Variants in EED observed in about 807,000 individuals in gnomAD.
EED encodes the protein embryonic ectoderm development, also known as polycomb protein EED.
A neutral mutation model predicts 61.0 loss-of-function variants in EED; 9 were observed. The observed-to-expected ratio is 0.15, with a 90% CI of 0.09 to 0.26. EED has a LOEUF of 0.26. Among genes scored for constraint, EED ranks in the 10% least tolerant of loss-of-function variants. EED has a pLI of 1.00. For synonymous variants in EED, 187 were observed against 174.4 expected (o/e 1.07, Z -0.57); for missense variants, 315 against 542.3 (o/e 0.58, Z 4.16).
At chr11:86,275,059 C>T (rs1946198011) in intron 9 of EED, among the ~76,000 whole-genome samples, 2 of 152,062 alleles carry the variant, frequency 1.3e-5, no homozygotes, top group Admixed American at 6.6e-5. Flanking sequence ...TGTCTTCACT[C>T]ATTAGCATTT....
intron 6 of EED, chr11:86,263,969 G>T: frequency 1.9e-6 from 1 of 521,218 alleles, no homozygotes; most frequent in Non-Finnish European, 3.4e-6. Context: ...ATGCTTTTGG[G>T]GGGGCCTATT....
chr11:86,264,365 T>G, intron 7 of EED, 102 bp downstream of exon 7: 1 of 747,622 alleles, frequency 1.3e-6, no homozygotes, highest in Non-Finnish European at 2.2e-6. Context: ...ATGTAGCCTG[T>G]CAGGCAGACA....
At chr11:86,250,051 TATTACTCTTCC>T (rs1945491387) in intron 1 of EED, among the ~76,000 whole-genome samples, 1 of 152,242 alleles carries the variant, frequency 6.6e-6, no homozygotes, top group African/African-American at 2.4e-5. Context: ...TTAAAGACAG[TATTACTCTTCC>T]ATTATTCTCA....
At chr11:86,273,217 C>G (rs1946156610) in intron 9 of EED, among the ~76,000 whole-genome samples, 2 of 152,236 alleles carry the variant, frequency 1.3e-5, no homozygotes, top group Admixed American at 6.5e-5. Flanking sequence ...AGGTGGGGAT[C>G]TTGCTATGTT....
In EED at chr11:86,273,460, AAGG is replaced by A. The variant is rs147126416; in HGVS notation, c.967-3517_967-3515del. Reference sequence around the variant, plus strand: ...CATAATTTAGAAAACCCAAAAGGAAAAGGAGAATATTATATTGACTCATTTTGC... The same window carrying A: ...CATAATTTAGAAAACCCAAAAGGAAAAGAATATTATATTGACTCATTTTGC... On this transcript the variant is annotated intron_variant, in intron 9 of 11. Coordinates refer to ENST00000263360, the MANE Select transcript of EED (RefSeq NM_003797.5). 8.9e-3 allele frequency among the ~76,000 whole-genome samples: 1,350 copies of A among 152,328 alleles called. 19 individuals carry two copies. The highest frequency in any genetic ancestry group is 0.031 in the African/African-American group (1,296 of 41,562).
At chr11:86,253,255 T>C (rs1021720894) in intron 3 of EED, among the ~76,000 whole-genome samples, 2 of 152,240 alleles carry the variant, frequency 1.3e-5, no homozygotes, top group Admixed American at 6.5e-5. Context: ...CCTAGATTCT[T>C]TGAAAACAAC....
chr11:86,274,413 G>A (rs1408074622), intron 9 of EED, among the ~76,000 whole-genome samples: 1 of 152,156 alleles, frequency 6.6e-6, no homozygotes, highest in Non-Finnish European at 1.5e-5. Context: ...TTCTTGGTAT[G>A]AAGAGTGATT....
At chr11:86,258,489 A>G (rs982541594) in intron 6 of EED, among the ~76,000 whole-genome samples, 2 of 151,432 alleles carry the variant, frequency 1.3e-5, no homozygotes, top group African/African-American at 4.9e-5. Context: ...GAACAACTGT[A>G]TAGACCGTAA....
intron 1 of EED, among the ~76,000 whole-genome samples, chr11:86,246,771 A>T (rs1407844636): frequency 6.6e-6 from 1 of 152,208 alleles, no homozygotes; most frequent in Non-Finnish European, 1.5e-5. Flanking sequence ...AAGAGCACAG[A>T]TGCTGGATCC....
intron 5 of EED, 85 bp downstream of exon 5, chr11:86,256,597 G>C (rs1239374138): frequency 7.9e-7 from 1 of 1,261,080 alleles, no homozygotes; most frequent in Non-Finnish European, 1.1e-6. Context: ...AAAACTAATG[G>C]TATGAATGTA....
chr11:86,250,248 A>T (rs949177279), intron 1 of EED, 48 bp from the exon 2 acceptor site: 4 of 1,424,122 alleles, frequency 2.8e-6, no homozygotes, highest in Non-Finnish European at 3.7e-6. Context: ...TTACTGCTAA[A>T]AACAGTATTG....
At chr11:86,276,824 G>A (rs1471378539) in intron 9 of EED, 156 bp from the exon 10 acceptor site, 2 of 493,234 alleles carry the variant, frequency 4.1e-6, no homozygotes, top group Non-Finnish European at 6.5e-6. Flanking sequence ...GTCATTGACT[G>A]TAAATATAAA....
chr11:86,264,288 G>T, intron 7 of EED, 25 bp downstream of exon 7: 1 of 1,556,798 alleles, frequency 6.4e-7, no homozygotes, highest in Non-Finnish European at 8.9e-7. Context: ...GCAGGGCAAT[G>T]ACTTTCAGGT....
downstream of EED, among the ~76,000 whole-genome samples, chr11:86,282,183 A>G (rs1178544365): frequency 6.6e-6 from 1 of 152,256 alleles, no homozygotes; most frequent in Non-Finnish European, 1.5e-5. Context: ...CAAAATATCA[A>G]TACCATGCTC....
chr11:86,254,048 C>CAAAAAAAATAAAAAA (rs1945603216), intron 3 of EED, among the ~76,000 whole-genome samples: 1 of 56,314 alleles, frequency 1.8e-5, no homozygotes, highest in Non-Finnish European at 3.6e-5. Flanking sequence ...AACTCTGTCT[C>CAAAAAAAATAAAAAA]AAAAAAAAAA....
chr11:86,277,102 T>A lies in EED; in HGVS notation c.1089T>A (p.Ile363=). Residue 363 remains isoleucine (I), a synonymous_variant, in exon 10 of 12, where the codon ATT becomes ATA. Coordinates refer to ENST00000263360, the MANE Select transcript of EED (RefSeq NM_003797.5). ...LGRFDYSQCD[I]WYMRFSMDFW... ...GATTTGATTACAGCCAGTGTGACAT[T>A]TGGTACATGAGGTTTTCTATGGATT... is the stretch of plus-strand genomic sequence containing the variant. 1.3e-6 allele frequency: 2 copies of A among 1,596,080 alleles called. No homozygotes were observed. Among genetic ancestry groups the A allele is most frequent in the Middle Eastern group, 3.3e-4 (2 of 6,002 alleles).
intron 5 of EED, 91 bp downstream of exon 5, chr11:86,256,603 A>G (rs983179562): frequency 5.0e-5 from 62 of 1,229,710 alleles, no homozygotes; most frequent in Non-Finnish European, 6.4e-5. Flanking sequence ...AATGGTATGA[A>G]TGTAACATTT....
chr11:86,263,495 GTGAC>G (rs1945892954), intron 6 of EED, among the ~76,000 whole-genome samples: 1 of 152,260 alleles, frequency 6.6e-6, no homozygotes, highest in South Asian at 2.1e-4. Flanking sequence ...CACAGACTAG[GTGAC>G]TGACTGATGG....
At chr11:86,285,143 G>A in the EED span, among the ~76,000 whole-genome samples, 1 of 152,052 alleles carries the variant, frequency 6.6e-6, no homozygotes, top group East Asian at 1.9e-4. Context: ...GAAAAGGCTG[G>A]GCACGGTGGT....
Sources: gnomAD v4.1 joint callset for allele counts (sites outside exome capture counted in the v4.1 genomes callset) on GRCh38, gnomAD v4.1.1 for gene constraint, MANE v1.5 for transcripts, NCBI Gene and HGNC (gene_info 2026-07-23, HGNC 2026-07-21) for gene names.